Variants in LRBA observed in about 807,000 individuals in gnomAD.
LRBA encodes lipopolysaccharide-responsive and beige-like anchor protein.
LRBA carries 176 observed loss-of-function variants against 330.0 expected under a neutral mutation model. The observed-to-expected ratio is 0.53, with a 90% confidence interval of 0.47 to 0.60. The LOEUF (loss-of-function observed/expected upper bound fraction) is 0.60, where lower values mean the gene tolerates loss of function less well. Ranked by LOEUF, LRBA falls within the 20% of genes least tolerant of loss-of-function variation. The pLI is 0.00. For missense variants in LRBA, 3,259 were observed against 3,444.8 expected (o/e 0.95, Z 1.35); for synonymous variants, 1,230 against 1,193.0 (o/e 1.03, Z -0.64).
At chr4:150,902,451 T>C (rs1222881537) in intron 13 of LRBA, among the ~76,000 whole-genome samples, 1 of 152,036 alleles carries the variant, frequency 6.6e-6, no homozygotes, top group Non-Finnish European at 1.5e-5. Context: ...AAGGACTTCC[T>C]AGAACTAAAT....
At chr4:150,588,420 G>C (rs1297886115) in intron 39 of LRBA, among the ~76,000 whole-genome samples, 1 of 152,156 alleles carries the variant, frequency 6.6e-6, no homozygotes, top group African/African-American at 2.4e-5. Flanking sequence ...AAACTAGGAT[G>C]CAATTATTTT....
chr4:150,344,052 A>C (rs1404454294), intron 48 of LRBA, among the ~76,000 whole-genome samples: 1 of 152,112 alleles, frequency 6.6e-6, no homozygotes. Context: ...TTTCACACAG[A>C]GCTTGATAGT....
intron 47 of LRBA, among the ~76,000 whole-genome samples, chr4:150,407,226 A>G (rs1746326238): frequency 6.6e-6 from 1 of 152,336 alleles, no homozygotes; most frequent in Non-Finnish European, 1.5e-5. Flanking sequence ...ACAGGCAGAC[A>G]TCCTCTGGAC....
intron 2 of LRBA, among the ~76,000 whole-genome samples, chr4:150,976,175 G>GAAAAAAAA (rs56914557): frequency 1.0e-4 from 9 of 88,726 alleles, no homozygotes; most frequent in Non-Finnish European, 1.6e-4. Context: ...ACTCCGTCTT[G>GAAAAAAAA]AAAAAAAAAA....
At chr4:150,768,087 T>C (rs1250840868) in intron 34 of LRBA, among the ~76,000 whole-genome samples, 4 of 150,366 alleles carry the variant, frequency 2.7e-5, no homozygotes, top group South Asian at 4.2e-4. Flanking sequence ...AAAAAAAGTT[T>C]TTTTTTTCAA....
chr4:150,990,768 T>A (rs1292659271), intron 2 of LRBA, among the ~76,000 whole-genome samples: 1 of 150,882 alleles, frequency 6.6e-6, no homozygotes, highest in Admixed American at 6.6e-5. Flanking sequence ...GCCTATAATA[T>A]CAGCATTTTA....
intron 37 of LRBA, among the ~76,000 whole-genome samples, chr4:150,607,812 G>A (rs1186266398): frequency 4.0e-5 from 6 of 151,864 alleles, no homozygotes; most frequent in East Asian, 3.9e-4. Flanking sequence ...TGAGGCGGGC[G>A]GATCACGAGG....
At chr4:150,759,735 A>G (rs1273051117) in intron 35 of LRBA, among the ~76,000 whole-genome samples, 1 of 152,160 alleles carries the variant, frequency 6.6e-6, no homozygotes, top group African/African-American at 2.4e-5. Context: ...CGAAAAAAAG[A>G]ATCTTTATCT....
At chr4:150,839,679 T>C (rs546969563) in intron 28 of LRBA, among the ~76,000 whole-genome samples, 19 of 152,172 alleles carry the variant, frequency 1.2e-4, no homozygotes, top group African/African-American at 2.4e-4. Flanking sequence ...TAGGTGGGAA[T>C]TGAACAATGA....
At chr4:150,738,504 A>G (rs1042728579) in intron 35 of LRBA, among the ~76,000 whole-genome samples, 1 of 152,208 alleles carries the variant, frequency 6.6e-6, no homozygotes, top group Admixed American at 6.6e-5. Flanking sequence ...GAAAAATAAT[A>G]TAAGATTGAT....
At chr4:150,879,562 A>T (rs1405986926) in intron 17 of LRBA, among the ~76,000 whole-genome samples, 1 of 152,142 alleles carries the variant, frequency 6.6e-6, no homozygotes, top group Admixed American at 6.5e-5. Context: ...AAATAGGACA[A>T]AAAAAATTCA....
chr4:150,377,748 G>GT (rs1469139564), intron 47 of LRBA, among the ~76,000 whole-genome samples: 1 of 151,980 alleles, frequency 6.6e-6, no homozygotes, highest in Admixed American at 6.6e-5. Context: ...TGTTTTAAAT[G>GT]TTTTTTATAC....
chr4:150,941,225 T>C (rs1241370302), intron 2 of LRBA, among the ~76,000 whole-genome samples: 3 of 152,124 alleles, frequency 2.0e-5, no homozygotes, highest in Non-Finnish European at 4.4e-5. Flanking sequence ...CAGCATCGGC[T>C]TACTGCAACC....
At chr4:150,786,584 A>G (rs1310223625) in intron 34 of LRBA, among the ~76,000 whole-genome samples, 1 of 152,002 alleles carries the variant, frequency 6.6e-6, no homozygotes, top group Non-Finnish European at 1.5e-5. Context: ...CTCCAGCCAG[A>G]CTCAAGATTC....
intron 2 of LRBA, 62 bp from the exon 3 acceptor site, chr4:150,929,127 G>A: frequency 1.0e-6 from 1 of 991,638 alleles, no homozygotes; most frequent in Non-Finnish European, 1.5e-6. Context: ...ACTATAGCAT[G>A]TTCCTAAACA....
At chr4:150,858,961 A>G (rs996921618) in intron 22 of LRBA, among the ~76,000 whole-genome samples, 2 of 152,108 alleles carry the variant, frequency 1.3e-5, no homozygotes, top group African/African-American at 4.8e-5. Flanking sequence ...CAATTAGAGA[A>G]TTCTTTAAAA....
intron 36 of LRBA, among the ~76,000 whole-genome samples, chr4:150,725,807 G>C (rs1298705118): frequency 6.6e-6 from 1 of 152,102 alleles, no homozygotes; most frequent in Non-Finnish European, 1.5e-5. Context: ...GAGATAAAAA[G>C]AAAAACAACA....
At chr4:150,676,413 T>C (rs1582012664) in intron 37 of LRBA, among the ~76,000 whole-genome samples, 1 of 152,224 alleles carries the variant, frequency 6.6e-6, no homozygotes, top group Non-Finnish European at 1.5e-5. Context: ...GTCTTATTCA[T>C]ATTGATTTCT....
intron 2 of LRBA, among the ~76,000 whole-genome samples, chr4:150,944,640 T>G (rs892014403): frequency 6.6e-6 from 1 of 151,984 alleles, no homozygotes; most frequent in South Asian, 2.1e-4. Flanking sequence ...CAAAAAGATA[T>G]AGCCAGGCTT....
Sources: allele counts gnomAD v4.1 joint callset (sites outside exome capture counted in the v4.1 genomes callset), GRCh38; gene constraint gnomAD v4.1.1; transcripts MANE v1.5; gene names NCBI Gene and HGNC (gene_info 2026-07-23, HGNC 2026-07-21).